The following NRXN3 variants were observed in gnomAD, a reference collection of about 807,000 sequenced individuals.
NRXN3 encodes neurexin 3.
NRXN3 carries 32 observed loss-of-function variants against 137.6 expected under a neutral mutation model. The observed-to-expected ratio is 0.23, with a 90% CI of 0.18 to 0.31. NRXN3 has a LOEUF of 0.31. NRXN3 is among the 10% of genes least tolerant of loss of function. The pLI, the probability that NRXN3 is intolerant of heterozygous loss-of-function variation, is 1.00. For missense variants in NRXN3, 1,574 were observed against 2,062.5 expected, an observed-to-expected ratio of 0.76 and a Z score of 4.59; for synonymous variants, 798 against 784.5, an observed-to-expected ratio of 1.02 and a Z score of -0.29.
At chr14:79,449,594 T>A (rs1023129372) in intron 15 of NRXN3, among the ~76,000 whole-genome samples, 1 of 152,264 alleles carries the variant, frequency 6.6e-6, no homozygotes, top group African/African-American at 2.4e-5. Context: ...GACACTTTTA[T>A]ATATGATTTG....
At chr14:78,535,239 C>T (rs930628408) in intron 4 of NRXN3, among the ~76,000 whole-genome samples, 1 of 151,706 alleles carries the variant, frequency 6.6e-6, no homozygotes, top group Non-Finnish European at 1.5e-5. Context: ...GACTCTGCTT[C>T]TCTGTTTACT....
intron 15 of NRXN3, among the ~76,000 whole-genome samples, chr14:79,422,224 ATT>A (rs11362359): frequency 0.25 from 37,450 of 150,948 alleles, 4,997 homozygotes; most frequent in East Asian, 0.44. Flanking sequence ...ACCCCCAGCA[ATT>A]TTTTTTTTGT....
intron 2 of NRXN3, among the ~76,000 whole-genome samples, chr14:78,262,458 A>G (rs2070905016): frequency 1.3e-5 from 2 of 152,130 alleles, no homozygotes; most frequent in African/African-American, 4.8e-5. Flanking sequence ...GGAGAAGGGT[A>G]AAAATGAAGG....
intron 20 of NRXN3, among the ~76,000 whole-genome samples, chr14:79,854,965 A>T (rs1351441109): frequency 6.6e-6 from 1 of 152,122 alleles, no homozygotes; most frequent in Non-Finnish European, 1.5e-5. Flanking sequence ...AGTGTATGGA[A>T]CTAACAACTG....
chr14:79,555,610 T>C (rs2097421659), intron 16 of NRXN3, among the ~76,000 whole-genome samples: 1 of 152,008 alleles, frequency 6.6e-6, no homozygotes, highest in South Asian at 2.1e-4. Context: ...GATTTCAAAA[T>C]GACTTCTCAG....
chr14:78,643,011 G>A (rs1486460315), intron 4 of NRXN3, among the ~76,000 whole-genome samples: 1 of 152,090 alleles, frequency 6.6e-6, no homozygotes, highest in African/African-American at 2.4e-5. Flanking sequence ...CATATGACTG[G>A]GCTGCTCTGG....
chr14:79,026,950 T>TTA (rs764640398), intron 15 of NRXN3, among the ~76,000 whole-genome samples: 21 of 135,058 alleles, frequency 1.6e-4, no homozygotes, highest in African/African-American at 5.8e-4. Flanking sequence ...TATTATAATT[T>TTA]TATATATATA....
chr14:79,585,942 C>T (rs1243370688), intron 16 of NRXN3, among the ~76,000 whole-genome samples: 3 of 152,174 alleles, frequency 2.0e-5, no homozygotes, highest in African/African-American at 7.2e-5. Flanking sequence ...CTTACCTGTG[C>T]ACACACATTG....
chr14:78,206,867 T>G (rs577177035), intron 1 of NRXN3, among the ~76,000 whole-genome samples: 44 of 152,192 alleles, frequency 2.9e-4, no homozygotes, highest in African/African-American at 4.3e-4. Context: ...ATTCTTTTTT[T>G]TTTGTTTGTT....
intron 16 of NRXN3, among the ~76,000 whole-genome samples, chr14:79,578,291 C>T (rs972965475): frequency 6.6e-6 from 1 of 152,270 alleles, no homozygotes; most frequent in Non-Finnish European, 1.5e-5. Context: ...CAAATAACTC[C>T]TCCAGGCAAC....
chr14:79,817,581 A>AAAGAT (rs1288737581), intron 20 of NRXN3, among the ~76,000 whole-genome samples: 2 of 152,196 alleles, frequency 1.3e-5, no homozygotes, highest in Non-Finnish European at 2.9e-5. Flanking sequence ...TCTCCATTTT[A>AAAGAT]AAGATAAGTA....
At chr14:79,545,495 C>T (rs2097310572) in intron 16 of NRXN3, among the ~76,000 whole-genome samples, 3 of 152,100 alleles carry the variant, frequency 2.0e-5, no homozygotes, top group Admixed American at 1.3e-4. Context: ...ACATTGGGTG[C>T]ACCTGGATGA....
chr14:79,014,961 T>G (rs1341520234), intron 15 of NRXN3, among the ~76,000 whole-genome samples: 2 of 152,166 alleles, frequency 1.3e-5, no homozygotes, highest in Non-Finnish European at 2.9e-5. Context: ...GGTAATCCCA[T>G]GCAGAGTTCC....
intron 17 of NRXN3, among the ~76,000 whole-genome samples, chr14:79,674,428 A>G (rs1476186086): frequency 1.3e-5 from 2 of 152,054 alleles, no homozygotes; most frequent in Admixed American, 6.6e-5. Context: ...AGTGGTTCCA[A>G]GGTAGAAGTA....
chr14:78,927,446 A>C (rs2099308986), intron 10 of NRXN3, among the ~76,000 whole-genome samples: 1 of 152,158 alleles, frequency 6.6e-6, no homozygotes, highest in Non-Finnish European at 1.5e-5. Context: ...TGGCAACCAC[A>C]GTAGCCTCAT....
chr14:78,934,650 G>A (rs1482473467), intron 10 of NRXN3, among the ~76,000 whole-genome samples: 1 of 152,152 alleles, frequency 6.6e-6, no homozygotes, highest in Non-Finnish European at 1.5e-5. Context: ...ATGAGTTCAT[G>A]TCCTTTGTAG....
chr14:79,401,390 T>C (rs1011689898), intron 15 of NRXN3, among the ~76,000 whole-genome samples: 1 of 152,118 alleles, frequency 6.6e-6, no homozygotes, highest in African/African-American at 2.4e-5. Context: ...GGGAACTTTT[T>C]AGAAGTGCAA....
At chr14:78,333,106 T>A (rs566871225) in intron 4 of NRXN3, among the ~76,000 whole-genome samples, 18 of 152,362 alleles carry the variant, frequency 1.2e-4, no homozygotes, top group African/African-American at 4.1e-4. Context: ...CAAGTGCTAA[T>A]CTAGTTGTTG....
chr14:78,807,734 C>CAAAAAA (rs144921592), intron 9 of NRXN3, among the ~76,000 whole-genome samples: 8 of 111,722 alleles, frequency 7.2e-5, no homozygotes, highest in African/African-American at 2.3e-4. Context: ...GATTCTGTCT[C>CAAAAAA]AAAAAAAAAA....
Sources: allele counts gnomAD v4.1 joint callset (sites outside exome capture counted in the v4.1 genomes callset), GRCh38; gene constraint gnomAD v4.1.1; transcripts MANE v1.5; gene names NCBI Gene and HGNC (gene_info 2026-07-23, HGNC 2026-07-21).